Variants in SMYD3 observed in about 807,000 individuals in gnomAD.
SMYD3 encodes histone-lysine N-methyltransferase SMYD3.
Under a neutral mutation model 57.7 loss-of-function variants are expected in SMYD3, and 36 were observed. That is an observed-to-expected ratio of 0.62 (90% CI 0.48 to 0.82). SMYD3 has a LOEUF of 0.82. Among genes scored for constraint, SMYD3 ranks in the 40% least tolerant of loss-of-function variants. SMYD3 has a pLI of 0.00. For missense variants in SMYD3, 515 were observed against 538.8 expected (o/e 0.96, Z 0.44); for synonymous variants, 211 against 195.0 (o/e 1.08, Z -0.68).
intron 7 of SMYD3, among the ~76,000 whole-genome samples, chr1:245,920,595 T>G (rs2055847603): frequency 6.6e-6 from 1 of 152,162 alleles, no homozygotes; most frequent in Non-Finnish European, 1.5e-5. Context: ...CTCCCCGACT[T>G]CAGGCTACCA....
chr1:246,172,840 T>C (rs1283361652), intron 5 of SMYD3, among the ~76,000 whole-genome samples: 2 of 149,604 alleles, frequency 1.3e-5, no homozygotes, highest in African/African-American at 5.0e-5. Context: ...TGTACTCTAC[T>C]GTAGACTTTA....
intron 10 of SMYD3, among the ~76,000 whole-genome samples, chr1:245,781,971 A>AG (rs2046846617): frequency 6.6e-6 from 1 of 152,014 alleles, no homozygotes; most frequent in South Asian, 2.1e-4. Context: ...TATGTCTCAA[A>AG]AAAAAAATAT....
At chr1:246,194,510 G>A (rs12401712) in intron 5 of SMYD3, among the ~76,000 whole-genome samples, 15,063 of 152,020 alleles carry the variant, frequency 0.099, 1,062 homozygotes, top group East Asian at 0.29. Flanking sequence ...CTCGTGTTCC[G>A]CCTGCTTAGG....
Position 245,797,828 on chromosome 1 carries a change from C to CAAAAAAAAAAAAAAAAAA in SMYD3, c.1077-33697_1077-33680dup, listed in dbSNP as rs559088835. Among the ~76,000 whole-genome samples the CAAAAAAAAAAAAAAAAAA allele has an allele frequency of 1.3e-3, 139 of 109,412 alleles. 1 individual carries two copies. Among genetic ancestry groups the CAAAAAAAAAAAAAAAAAA allele is most frequent in the Non-Finnish European group, 2.1e-3 (119 of 57,264 alleles). 71.8% of individuals were successfully genotyped at this position (109,412 alleles called of 152,430 possible). A position where few individuals can be genotyped will look rare whatever the true frequency, so the allele number is the denominator to read the frequency against. On this transcript the variant is annotated intron_variant, in intron 10 of 11. Coordinates refer to ENST00000490107, the MANE Select transcript of SMYD3 (RefSeq NM_001167740.2). ...TGTCCTCTCAATTGCTTCCGGGTTC[C>CAAAAAAAAAAAAAAAAAA]AAAAAAAAAAAAAAAAAAAAGGTGG...
chr1:246,076,572 ATGC>A (rs2060551019), intron 5 of SMYD3, among the ~76,000 whole-genome samples: 1 of 152,224 alleles, frequency 6.6e-6, no homozygotes, highest in Non-Finnish European at 1.5e-5. Flanking sequence ...CAGTACACTA[ATGC>A]TGATAGCCAA....
At chr1:246,379,630 G>A (rs568803008) in intron 1 of SMYD3, among the ~76,000 whole-genome samples, 1 of 152,160 alleles carries the variant, frequency 6.6e-6, no homozygotes, top group Non-Finnish European at 1.5e-5. Context: ...TTCTTAGCCT[G>A]AAAGCAACCA....
intron 5 of SMYD3, chr1:245,930,646 T>C (rs927240188): frequency 6.6e-6 from 1 of 152,630 alleles, no homozygotes; most frequent in Non-Finnish European, 1.5e-5. Flanking sequence ...GAAAGAGCAC[T>C]GGACCAGAAT....
intron 5 of SMYD3, among the ~76,000 whole-genome samples, chr1:246,307,432 T>TC (rs2065000453): frequency 6.8e-6 from 1 of 145,990 alleles, no homozygotes; most frequent in Non-Finnish European, 1.5e-5. Flanking sequence ...TTTTTTTTTT[T>TC]TTTTTGAGAC....
intron 8 of SMYD3, among the ~76,000 whole-genome samples, chr1:245,886,421 A>G (rs139645417): frequency 2.0e-3 from 303 of 152,328 alleles, no homozygotes; most frequent in African/African-American, 7.0e-3. Context: ...AAGCAATACA[A>G]TATCCTAATT....
At chr1:245,758,660 G>T (rs960363129) in intron 11 of SMYD3, among the ~76,000 whole-genome samples, 19 of 151,912 alleles carry the variant, frequency 1.3e-4, no homozygotes, top group African/African-American at 4.6e-4. Flanking sequence ...TTCTATTTGT[G>T]TCTTCTTTAC....
intron 5 of SMYD3, among the ~76,000 whole-genome samples, chr1:246,177,805 G>GTTT (rs1239753603): frequency 6.6e-6 from 1 of 152,172 alleles, no homozygotes; most frequent in Non-Finnish European, 1.5e-5. Flanking sequence ...TACTTCGAAG[G>GTTT]ATTCAGATAT....
At chr1:245,928,286 T>C (rs973393179) in intron 6 of SMYD3, among the ~76,000 whole-genome samples, 4 of 152,036 alleles carry the variant, frequency 2.6e-5, no homozygotes, top group Non-Finnish European at 4.4e-5. Context: ...ATTTCCTGAG[T>C]CCTTTTTGGG....
chr1:245,762,706 G>T (rs762548184), intron 11 of SMYD3, among the ~76,000 whole-genome samples: 1 of 152,176 alleles, frequency 6.6e-6, no homozygotes, highest in Non-Finnish European at 1.5e-5. Context: ...GCTAGCATTC[G>T]GCGAAAATGA....
At chr1:245,805,438 T>G (rs1490526783) in intron 10 of SMYD3, among the ~76,000 whole-genome samples, 3 of 152,232 alleles carry the variant, frequency 2.0e-5, no homozygotes, top group African/African-American at 7.2e-5. Context: ...AGAACAGTAC[T>G]CAATGTTTCT....
At chr1:246,373,195 T>G (rs1298501687) in intron 1 of SMYD3, among the ~76,000 whole-genome samples, 1 of 152,166 alleles carries the variant, frequency 6.6e-6, no homozygotes, top group African/African-American at 2.4e-5. Context: ...TTTTATTTTT[T>G]CCATTTTTCA....
chr1:246,505,014 TCAAA>T (rs1336794802), intron 1 of SMYD3, among the ~76,000 whole-genome samples: 7 of 152,174 alleles, frequency 4.6e-5, no homozygotes, highest in Non-Finnish European at 8.8e-5. Context: ...ATGGGAGTGT[TCAAA>T]CAGAGCAACT....
chr1:246,362,596 G>A (rs1364504676), intron 1 of SMYD3, among the ~76,000 whole-genome samples: 3 of 152,192 alleles, frequency 2.0e-5, no homozygotes, highest in South Asian at 2.1e-4. Context: ...AAGTGCCTGC[G>A]ATTGCAGGCG....
intron 5 of SMYD3, among the ~76,000 whole-genome samples, chr1:246,256,031 T>A (rs1413513554): frequency 6.6e-6 from 1 of 151,940 alleles, no homozygotes; most frequent in South Asian, 2.1e-4. Flanking sequence ...GATAGATACA[T>A]AGATATAAAC....
At chr1:245,788,035 C>A (rs1289055246) in intron 10 of SMYD3, among the ~76,000 whole-genome samples, 1 of 152,034 alleles carries the variant, frequency 6.6e-6, no homozygotes, top group East Asian at 1.9e-4. Context: ...GGGAACAGGG[C>A]AAGGAGAATG....
Sources: gnomAD v4.1 joint callset for allele counts (sites outside exome capture counted in the v4.1 genomes callset) on GRCh38, gnomAD v4.1.1 for gene constraint, MANE v1.5 for transcripts, NCBI Gene and HGNC (gene_info 2026-07-23, HGNC 2026-07-21) for gene names.